The following SCAF8 variants were observed in gnomAD, a reference collection of about 807,000 sequenced individuals.
SCAF8 encodes SR-related and CTD-associated factor 8.
A neutral mutation model predicts 140.5 loss-of-function variants in SCAF8; 23 were observed. The observed-to-expected ratio is 0.16, with a 90% confidence interval of 0.12 to 0.23. SCAF8 has a LOEUF of 0.23. Among genes scored for constraint, SCAF8 ranks in the 10% least tolerant of loss-of-function variants. The pLI is 1.00. For synonymous variants in SCAF8, 575 were observed against 528.9 expected, an observed-to-expected ratio of 1.09 and a Z score of -1.20; for missense variants, 1,397 against 1,555.7, an observed-to-expected ratio of 0.90 and a Z score of 1.72.
chr6:154,803,480 C>A, intron 7 of SCAF8, 64 bp from the exon 8 acceptor site: 1 of 1,076,838 alleles, frequency 9.3e-7, no homozygotes, highest in Non-Finnish European at 1.4e-6. Flanking sequence ...TTTAAAATAG[C>A]ATTTGTAACT....
rs1357075052 is a variant in SCAF8 at position 154,832,768 on chromosome 6, T to A, written c.3189T>A (p.Pro1063=). The A allele has an allele frequency of 3.7e-6, 6 of 1,613,672 alleles. No homozygotes were observed. Among genetic ancestry groups the A allele is most frequent in the African/African-American group, 1.3e-5 (1 of 74,806 alleles). Residue 1063 remains proline, a synonymous_variant, in exon 20 of 20, where the codon CCT becomes CCA. Transcript: ENST00000367178. Reference sequence around the variant, plus strand: ...ATGGTAGGGATCATTTTGGAAGACCTCCTGTAGATATAAGAGAGAATCTTG... The same window carrying A: ...ATGGTAGGGATCATTTTGGAAGACCACCTGTAGATATAAGAGAGAATCTTG... ...PLDGRDHFGR[P]PVDIRENLVR... is the part of the protein sequence containing the mutation.
intron 1 of SCAF8, among the ~76,000 whole-genome samples, chr6:154,734,665 T>C (rs1036151467): frequency 1.3e-5 from 2 of 152,176 alleles, no homozygotes; most frequent in Admixed American, 1.3e-4. Context: ...AAAAGCAGAT[T>C]CCATTTTCAC....
At chr6:154,828,657 C>T (rs1176417084) in intron 18 of SCAF8, among the ~76,000 whole-genome samples, 4 of 152,108 alleles carry the variant, frequency 2.6e-5, no homozygotes, top group Non-Finnish European at 5.9e-5. Context: ...TTTCCTCCCT[C>T]CAATCTGAGA....
chr6:154,785,359 G>A (rs2114866137), intron 3 of SCAF8, among the ~76,000 whole-genome samples: 1 of 152,308 alleles, frequency 6.6e-6, no homozygotes, highest in East Asian at 1.9e-4. Flanking sequence ...TTCTGTAGGA[G>A]TGGAATTGCT....
intron 4 of SCAF8, among the ~76,000 whole-genome samples, chr6:154,791,677 A>G (rs1777424297): frequency 6.6e-6 from 1 of 152,162 alleles, no homozygotes; most frequent in Non-Finnish European, 1.5e-5. Flanking sequence ...TTGGCCTGAG[A>G]CCAGGATCAG....
At chr6:154,751,645 T>C (rs1424162661) in intron 1 of SCAF8, among the ~76,000 whole-genome samples, 2 of 152,206 alleles carry the variant, frequency 1.3e-5, no homozygotes, top group African/African-American at 4.8e-5. Context: ...TGCACATAGT[T>C]AGTGGCCTAA....
chr6:154,738,872 C>CT, intron 1 of SCAF8, among the ~76,000 whole-genome samples: 1 of 152,276 alleles, frequency 6.6e-6, no homozygotes, highest in Admixed American at 6.5e-5. Flanking sequence ...CTGGTAGGAT[C>CT]TTGTTCTATT....
chr6:154,778,654 C>T (rs547756456), intron 3 of SCAF8, among the ~76,000 whole-genome samples: 1 of 152,148 alleles, frequency 6.6e-6, no homozygotes, highest in Non-Finnish European at 1.5e-5. Flanking sequence ...ATCCCAGCTA[C>T]TTGGGAGGCT....
intron 17 of SCAF8, among the ~76,000 whole-genome samples, chr6:154,826,252 TGA>T (rs1778564949): frequency 6.6e-6 from 1 of 151,790 alleles, no homozygotes; most frequent in Non-Finnish European, 1.5e-5. Context: ...TATTTTTAAG[TGA>T]TTATTTCAAA....
chr6:154,820,143 A>G (rs756985807), intron 14 of SCAF8, 34 bp from the exon 15 acceptor site: 4 of 1,529,092 alleles, frequency 2.6e-6, no homozygotes, highest in Non-Finnish European at 3.5e-6. Context: ...ATGTATGTAT[A>G]ACCTTTCTTT....
chr6:154,783,434 A>G (rs1230216984), intron 3 of SCAF8, among the ~76,000 whole-genome samples: 2 of 152,200 alleles, frequency 1.3e-5, no homozygotes, highest in African/African-American at 2.4e-5. Context: ...TGGTCTGTAG[A>G]TGAGTTACTA....
In SCAF8 at chr6:154,808,080, A is replaced by T. The variant is rs1777974715; in HGVS notation, c.992A>T (p.Gln331Leu). 1 of 1,613,674 alleles carries T rather than the reference A, an allele frequency of 6.2e-7. No individual in the cohort carries two copies. The highest frequency in any genetic ancestry group is 8.5e-7 in the Non-Finnish European group (1 of 1,179,764). The change falls in exon 10 of 20, where the codon CAG becomes CTG. Residue 331 changes from glutamine (Q) to leucine (L), a missense_variant. Gln to Leu is a moderately radical substitution (Grantham distance 113, BLOSUM62 -2). Around this residue, in one of 5 missense-constraint regions of SCAF8, gnomAD observed 339 missense variants for 407.5 expected, o/e 0.83. Transcript: ENST00000367178. ...ATATGTTCTCAATAGGCCACTCCTC[A>T]GGATAGTCAGGAAGGAACCTTTGGG... The part of the protein sequence containing the change: ...EQQQPQKATP[Q>L]DSQEGTFGSE...
intron 15 of SCAF8, among the ~76,000 whole-genome samples, chr6:154,822,010 C>T (rs1257472558): frequency 6.6e-6 from 1 of 152,124 alleles, no homozygotes; most frequent in African/African-American, 2.4e-5. Context: ...AGATACATAT[C>T]TATTGTATCT....
At chr6:154,740,864 C>T (rs1430655425) in intron 1 of SCAF8, among the ~76,000 whole-genome samples, 4 of 150,946 alleles carry the variant, frequency 2.6e-5, no homozygotes, top group African/African-American at 9.7e-5. Context: ...AGAGACCTGC[C>T]CACCTTGACC....
rs563985626 is a variant in SCAF8, at chr6:154,776,467, G to T, written c.115-1534G>T. 2.6e-5 allele frequency among the ~76,000 whole-genome samples: 4 copies of T among 152,158 alleles called. No homozygotes were observed. The South Asian group carries it at 8.3e-4, about 32-fold the overall frequency. On this transcript the variant is annotated intron_variant, in intron 2 of 19. Transcript: ENST00000367178. ...CCCAGAAAACCTATTGTGGAAGAAG[G>T]CCTATGAGAATTAATAAACTTTCAG...
At chr6:154,743,815 CTG>C (rs1446473559) in intron 1 of SCAF8, among the ~76,000 whole-genome samples, 5 of 152,090 alleles carry the variant, frequency 3.3e-5, no homozygotes, top group Admixed American at 2.6e-4. Flanking sequence ...GTAAAATCCT[CTG>C]GAGTAAAAAA....
At chr6:154,736,426 A>G (rs904576374) in intron 1 of SCAF8, among the ~76,000 whole-genome samples, 1 of 151,862 alleles carries the variant, frequency 6.6e-6, no homozygotes, top group African/African-American at 2.4e-5. Context: ...ACCCACCGCC[A>G]TGCCCAGCTA....
chr6:154,777,928 C>T (rs993052956), intron 2 of SCAF8, 73 bp from the exon 3 acceptor site: 3 of 911,576 alleles, frequency 3.3e-6, no homozygotes, highest in South Asian at 2.8e-5. Flanking sequence ...GCATGTAAAA[C>T]CTATGGTTAG....
intron 4 of SCAF8, among the ~76,000 whole-genome samples, chr6:154,790,578 T>G (rs913298249): frequency 1.4e-5 from 2 of 138,128 alleles, no homozygotes; most frequent in African/African-American, 2.7e-5. Flanking sequence ...TGGTGTAATC[T>G]CGGCTCACTG....
Sources: gnomAD v4.1 joint callset for allele counts (sites outside exome capture counted in the v4.1 genomes callset) on GRCh38, gnomAD v4.1.1 for gene constraint, gnomAD v4.1.1 regional missense constraint, MANE v1.5 for transcripts, NCBI Gene and HGNC (gene_info 2026-07-23, HGNC 2026-07-21) for gene names.